GYPB: variants seen among roughly 807,000 people sequenced by gnomAD.
GYPB encodes glycophorin-B.
A neutral mutation model predicts 15.3 loss-of-function variants in GYPB; 13 were observed. The observed-to-expected ratio is 0.85, with a 90% CI of 0.55 to 1.35. GYPB has a LOEUF of 1.35. GYPB is among the 40% of genes most tolerant of loss of function. GYPB has a pLI of 0.00. For missense variants in GYPB, 131 were observed against 108.3 expected, an observed-to-expected ratio of 1.21 and a Z score of -0.93; for synonymous variants, 38 against 36.9, an observed-to-expected ratio of 1.03 and a Z score of -0.11.
chr4:144,008,521 A>C (rs1728045646), intron 1 of GYPB: 1 of 454,960 alleles, frequency 2.2e-6, no homozygotes, highest in Non-Finnish European at 4.4e-6. Context: ...GTTGAATCTT[A>C]ATTTTTCCAG....
At chr4:144,001,153 G>A in intron 2 of GYPB, 32 bp downstream of exon 2, 1 of 1,612,486 alleles carries the variant, frequency 6.2e-7, no homozygotes, top group Non-Finnish European at 8.5e-7. Context: ...TCATTTCGGA[G>A]CCACAATTTA....
chr4:144,014,592 G>T (rs189742013), intron 1 of GYPB, among the ~76,000 whole-genome samples: 58 of 151,392 alleles, frequency 3.8e-4, no homozygotes, highest in Non-Finnish European at 7.9e-4. Context: ...AATCTGTAGA[G>T]GTAGAAAACA....
At position 143,996,442 on chromosome 4, in the gene GYPB, G is replaced by A. The variant is rs375279656; in HGVS notation, c.271-138C>T. On this transcript the variant is annotated intron_variant, in intron 4 of 4. Transcript: ENST00000502664. Reference sequence around the variant, plus strand: ...TGGAGGCTTCTAAAGGGTACCTAGGGGTGTTGCCAAGTTCTTTTGGTTTTA... The same window carrying A: ...TGGAGGCTTCTAAAGGGTACCTAGGAGTGTTGCCAAGTTCTTTTGGTTTTA... 4.8e-4 allele frequency: 701 copies of A among 1,473,580 alleles called. 7 individuals are homozygous for A. Among genetic ancestry groups the A allele is most frequent in the Middle Eastern group, 4.7e-3 (22 of 4,696 alleles). The allele number at this position is 1,473,580 out of a possible 1,614,324, so 91.3% of individuals were successfully genotyped here.
At chr4:144,014,690 A>G (rs1579070622) in intron 1 of GYPB, among the ~76,000 whole-genome samples, 1 of 151,438 alleles carries the variant, frequency 6.6e-6, no homozygotes, top group Non-Finnish European at 1.5e-5. Context: ...ATGTTCTGGA[A>G]CTAGATAATG....
chr4:143,996,691 A>T (rs1727329141), intron 4 of GYPB, among the ~76,000 whole-genome samples: 1 of 150,674 alleles, frequency 6.6e-6, no homozygotes, highest in South Asian at 2.1e-4. Flanking sequence ...AATCACTTGA[A>T]CCAGGGAGGC....
intron 1 of GYPB, among the ~76,000 whole-genome samples, chr4:144,016,347 C>T (rs1160670079): frequency 1.3e-5 from 2 of 149,852 alleles, no homozygotes; most frequent in Non-Finnish European, 2.9e-5. Flanking sequence ...CTTCCCTTCC[C>T]TTCTCTCTTC....
chr4:144,007,677 T>C (rs1318067031), intron 1 of GYPB, among the ~76,000 whole-genome samples: 3 of 151,642 alleles, frequency 2.0e-5, no homozygotes, highest in Non-Finnish European at 4.4e-5. Flanking sequence ...AGCAGAGTTC[T>C]ATTCCTGGCT....
intron 1 of GYPB, among the ~76,000 whole-genome samples, chr4:144,013,393 A>T (rs1480784465): frequency 3.3e-5 from 5 of 151,368 alleles, no homozygotes; most frequent in African/African-American, 1.2e-4. Context: ...TGGAAATACC[A>T]TTTGACCCAG....
rs988625651 is a variant in GYPB at position 144,016,959 on chromosome 4, G to A, written c.37+2292C>T. 83 of 358,140 alleles carry A rather than the reference G, an allele frequency of 2.3e-4. 2 individuals carry two copies. Among genetic ancestry groups the A allele is most frequent in the African/African-American group, 1.4e-3 (65 of 46,882 alleles). The allele number at this position is 358,140 out of a possible 1,614,324, so 22.2% of individuals were successfully genotyped here. A position where few individuals can be genotyped will look rare whatever the true frequency, so the allele number is the denominator to read the frequency against. ...GCTACCCTTTTCTTAAGCAGTTTTC[G>A]GCATTCATGTTTATCATCTTACCTG... On this transcript the variant is annotated intron_variant, in intron 1 of 4. Transcript: ENST00000502664.
At chr4:144,006,180 T>G (rs1252198105) in intron 1 of GYPB, among the ~76,000 whole-genome samples, 1 of 151,832 alleles carries the variant, frequency 6.6e-6, no homozygotes, top group Non-Finnish European at 1.5e-5. Flanking sequence ...AATTGAATTG[T>G]ATAATTTAGG....
chr4:143,999,861 T>C lies in GYPB; in HGVS notation c.137-412A>G, dbSNP rs117483434. On this transcript the variant is annotated intron_variant, in intron 2 of 4. Coordinates refer to ENST00000502664, the MANE Select transcript of GYPB (RefSeq NM_002100.6). The stretch of plus-strand genomic sequence containing the variant: ...CCCATGCAAAGAAGGGTCATGCGGC[T>C]ATCAATTTTCTGATTTATGCCATAG... 1.0e-3 allele frequency among the ~76,000 whole-genome samples: 155 copies of C among 151,702 alleles called. 2 individuals carry two copies. The East Asian group carries it at 0.016, about 15-fold the overall frequency.
At chr4:143,998,261 A>G (rs2667309) in intron 3 of GYPB, among the ~76,000 whole-genome samples, 3 of 151,490 alleles carry the variant, frequency 2.0e-5, no homozygotes, top group Admixed American at 6.6e-5. Context: ...TAAGTCATTT[A>G]TATGTTGGGA....
intron 1 of GYPB, chr4:144,016,875 G>C (rs1421272204): frequency 8.0e-6 from 2 of 250,918 alleles, no homozygotes; most frequent in Non-Finnish European, 1.7e-5. Flanking sequence ...TTCAGGGTTG[G>C]CTCCATCTCC....
intron 1 of GYPB, 65 bp downstream of exon 1, chr4:144,019,186 T>G: frequency 6.2e-7 from 1 of 1,606,978 alleles, no homozygotes; most frequent in Non-Finnish European, 8.5e-7. Context: ...AATAGGGTAG[T>G]TCATATTTTA....
At chr4:144,001,374 C>A in intron 1 of GYPB, 91 bp from the exon 2 acceptor site, 2 of 1,600,774 alleles carry the variant, frequency 1.2e-6, no homozygotes, top group Non-Finnish European at 1.7e-6. Flanking sequence ...CCTCTCACAT[C>A]CCTCCAGTCC....
rs1202317526 is a variant in GYPB at position 144,002,474 on chromosome 4, T to A, written c.38-1191A>T. On this transcript the variant is annotated intron_variant, in intron 1 of 4. Coordinates refer to ENST00000502664, the MANE Select transcript of GYPB (RefSeq NM_002100.6). ...TGTATGAATGTTCTGTGGTTTATAT[T>A]TCAGTCTCCTATTCTGTGCATTCAT... 3 of 568,444 alleles carry A rather than the reference T, an allele frequency of 5.3e-6. No homozygotes were observed. The African/African-American group carries it at 6.0e-5, about 11-fold the overall frequency. The allele number at this position is 568,444 out of a possible 1,614,324, so 35.2% of individuals were successfully genotyped here.
chr4:144,012,156 A>T (rs1185264136), intron 1 of GYPB, among the ~76,000 whole-genome samples: 6 of 151,910 alleles, frequency 3.9e-5, no homozygotes, highest in African/African-American at 1.5e-4. Flanking sequence ...CAGACCGTCA[A>T]CCTTCATTAA....
chr4:144,004,996 A>G (rs1283770508), intron 1 of GYPB, among the ~76,000 whole-genome samples: 2 of 151,912 alleles, frequency 1.3e-5, no homozygotes, highest in African/African-American at 4.9e-5. Flanking sequence ...GACTGGATTA[A>G]GGGAAGGCTC....
chr4:144,019,125 A>G (rs1728654577), intron 1 of GYPB, 126 bp downstream of exon 1: 2 of 1,453,452 alleles, frequency 1.4e-6, no homozygotes, highest in Admixed American at 4.4e-5. Flanking sequence ...CATCCACCAG[A>G]CTGGAAGAGG....
Sources: gnomAD v4.1 joint callset for allele counts (sites outside exome capture counted in the v4.1 genomes callset) on GRCh38, gnomAD v4.1.1 for gene constraint, MANE v1.5 for transcripts, NCBI Gene and HGNC (gene_info 2026-07-23, HGNC 2026-07-21) for gene names.